The following MMP2 variants were observed in gnomAD, a reference collection of about 807,000 sequenced individuals.
MMP2 encodes matrix metallopeptidase 2.
MMP2 carries 39 observed loss-of-function variants against 74.8 expected under a neutral mutation model. The ratio of observed to expected loss-of-function variants is 0.52; its 90% CI spans 0.40 to 0.68. MMP2 has a LOEUF of 0.68. Ranked by LOEUF, MMP2 falls within the 30% of genes least tolerant of loss-of-function variation. The pLI is 0.00. For synonymous variants in MMP2, 367 were observed against 339.8 expected (o/e 1.08, Z -0.88); for missense variants, 803 against 878.3 (o/e 0.91, Z 1.08).
chr16:55,501,666 C>T (rs1011761747), intron 11 of MMP2, among the ~76,000 whole-genome samples: 1 of 143,196 alleles, frequency 7.0e-6, no homozygotes, highest in Non-Finnish European at 1.5e-5. Context: ...AGGGAGAAGT[C>T]CCTTTGAGGG....
chr16:55,485,541 G>C, intron 4 of MMP2, 63 bp from the exon 5 acceptor site: 1 of 1,612,000 alleles, frequency 6.2e-7, no homozygotes, highest in Non-Finnish European at 8.5e-7. Context: ...GGGTGAGTCA[G>C]AATCTTGGTC....
In MMP2 at chr16:55,496,951, C is replaced by T. The variant is rs371281054; in HGVS notation, c.1498C>T (p.Arg500Cys). 1.4e-5 allele frequency: 23 copies of T among 1,614,010 alleles called. No individual in the cohort carries two copies. The highest frequency in any genetic ancestry group is 5.3e-5 in the African/African-American group (4 of 74,942). The part of the protein sequence containing the change: ...DRFIWRTVTP[R>C]DKPMGPLLVA... ...GTTCATTTGGCGGACTGTGACGCCA[C>T]GTGACAAGCCCATGGGGCCCCTGCT... Residue 500 changes from arginine (R) to cysteine (C), a missense_variant, in exon 10 of 13, where the codon CGT becomes TGT. Physicochemically the swap from Arg to Cys is radical, Grantham distance 180 (BLOSUM62 -3). Around this residue, in one of 3 missense-constraint regions of MMP2, gnomAD observed 555 missense variants for 592.0 expected, o/e 0.94. Transcript: ENST00000219070.
intron 12 of MMP2, among the ~76,000 whole-genome samples, chr16:55,504,353 G>T (rs1411864565): frequency 6.6e-6 from 1 of 152,156 alleles, no homozygotes; most frequent in Non-Finnish European, 1.5e-5. Flanking sequence ...TGACAGGACT[G>T]GATATATCCT....
chr16:55,502,905 T>C lies in MMP2; in HGVS notation c.1879+17T>C. ...AGGGCGGCGGTGAGCCACCCAGGAC[T>C]GTCTCCGCTTTCTAGGACTCCCCGC... is the stretch of plus-strand genomic sequence containing the variant. On this transcript the variant is annotated intron_variant, in intron 12 of 12. Transcript: ENST00000219070. 6.2e-7 allele frequency: 1 copy of C among 1,600,634 alleles called. No individual in the cohort carries two copies. The highest frequency in any genetic ancestry group is 1.1e-5 in the South Asian group (1 of 90,838).
intron 11 of MMP2, among the ~76,000 whole-genome samples, chr16:55,501,879 A>G (rs755285978): frequency 3.3e-5 from 5 of 152,206 alleles, no homozygotes; most frequent in Non-Finnish European, 7.3e-5. Context: ...TAGGATATCC[A>G]TAGCTCCCAT....
chr16:55,481,153 G>A (rs923858235), intron 1 of MMP2, among the ~76,000 whole-genome samples: 12 of 152,182 alleles, frequency 7.9e-5, no homozygotes, highest in African/African-American at 2.9e-4. Flanking sequence ...ACAGAGCAGG[G>A]AATGGGCTGC....
intron 6 of MMP2, among the ~76,000 whole-genome samples, 184 bp from the exon 7 acceptor site, chr16:55,489,467 G>A (rs17859914): frequency 3.3e-4 from 51 of 152,300 alleles, no homozygotes; most frequent in African/African-American, 1.1e-3. Context: ...CATGAAACGC[G>A]GTGCTATTCA....
At chr16:55,500,494 T>TACACACAC (rs55996787) in intron 11 of MMP2, among the ~76,000 whole-genome samples, 9,143 of 136,160 alleles carry the variant, frequency 0.067, 473 homozygotes, top group Non-Finnish European at 0.081. Flanking sequence ...CATGTGCGCA[T>TACACACAC]ACACACACAC....
intron 10 of MMP2, among the ~76,000 whole-genome samples, chr16:55,497,529 G>A (rs895294148): frequency 6.6e-6 from 1 of 152,168 alleles, no homozygotes; most frequent in African/African-American, 2.4e-5. Context: ...GACAGAAACG[G>A]ATTATTCAGT....
chr16:55,491,363 G>A (rs186956188), intron 7 of MMP2, among the ~76,000 whole-genome samples: 1 of 152,230 alleles, frequency 6.6e-6, no homozygotes, highest in East Asian at 1.9e-4. Flanking sequence ...AGAAATGGTG[G>A]CAACATGGGG....
chr16:55,503,041 G>T (rs1962710454), intron 12 of MMP2, among the ~76,000 whole-genome samples, 153 bp downstream of exon 12: 1 of 152,304 alleles, frequency 6.6e-6, no homozygotes, highest in African/African-American at 2.4e-5. Context: ...GTGCTGGGAA[G>T]GTTTCCAGAT....
Position 55,498,338 on chromosome 16 carries a change from C to T in MMP2, c.1659C>T (p.Pro553=), listed in dbSNP as rs747523622. ...CCAGCACCCTGGAGCGAGGGTACCC[C>T]AAGCCACTGACCAGCCTGGGACTGC... ...YSASTLERGY[P]KPLTSLGLPP... The change falls in exon 11 of 13, where the codon CCC becomes CCT. Residue 553 remains proline, a synonymous_variant. Coordinates refer to ENST00000219070, the MANE Select transcript of MMP2 (RefSeq NM_004530.6). 21 of 1,614,050 alleles carry T rather than the reference C, an allele frequency of 1.3e-5. No individual in the cohort carries two copies. The highest frequency in any genetic ancestry group is 4.0e-5 in the African/African-American group (3 of 74,948).
In MMP2 at chr16:55,483,113, G is replaced by C; in HGVS notation, c.358G>C (p.Asp120His). The C allele has an allele frequency of 6.2e-7, 1 of 1,614,058 alleles. No individual in the cohort carries two copies. The highest frequency in any genetic ancestry group is 2.2e-5 in the East Asian group (1 of 44,880). Residue 120 changes from aspartate to histidine, a missense_variant, in exon 2 of 13, where the codon GAC (aspartate) becomes CAC (histidine). Coordinates refer to ENST00000219070, the MANE Select transcript of MMP2 (RefSeq NM_004530.6). ...CTTCTTCCCTCGCAAGCCCAAGTGG[G>C]ACAAGAACCAGATCACATACAGGTG... is the stretch of plus-strand genomic sequence containing the variant. Reference protein sequence around the residue: ...YNFFPRKPKWDKNQITYRIIG... With the variant: ...YNFFPRKPKWHKNQITYRIIG...
chr16:55,480,830 G>A (rs1411238133), intron 1 of MMP2, among the ~76,000 whole-genome samples: 1 of 152,284 alleles, frequency 6.6e-6, no homozygotes, highest in East Asian at 1.9e-4. Flanking sequence ...AGCCCCCTCT[G>A]GATAGATGGG....
In MMP2 at chr16:55,496,959, G is replaced by A. The variant is rs781282587; in HGVS notation, c.1506G>A (p.Lys502=). The change falls in exon 10 of 13, where the codon AAG becomes AAA. Residue 502 remains lysine (K), a synonymous_variant. Coordinates refer to ENST00000219070, the MANE Select transcript of MMP2 (RefSeq NM_004530.6). ...FIWRTVTPRD[K]PMGPLLVATF... ...GGCGGACTGTGACGCCACGTGACAA[G>A]CCCATGGGGCCCCTGCTGGTGGCCA... 34 of 1,614,134 alleles carry A rather than the reference G, an allele frequency of 2.1e-5. No homozygotes were observed. The East Asian group carries it at 2.2e-4, about 11-fold the overall frequency.
chr16:55,495,531 G>T (rs537958331), intron 9 of MMP2, among the ~76,000 whole-genome samples: 75 of 152,324 alleles, frequency 4.9e-4, no homozygotes, highest in African/African-American at 1.7e-3. Flanking sequence ...GTCAGATCTG[G>T]ATATGAATCT....
intron 11 of MMP2, among the ~76,000 whole-genome samples, chr16:55,499,232 G>T (rs1373773615): frequency 6.6e-6 from 1 of 152,066 alleles, no homozygotes; most frequent in East Asian, 1.9e-4. Flanking sequence ...GCCAGGTAGG[G>T]ACAGGTTGGG....
chr16:55,483,680 T>C (rs1962165516), intron 2 of MMP2, among the ~76,000 whole-genome samples: 1 of 152,132 alleles, frequency 6.6e-6, no homozygotes, highest in African/African-American at 2.4e-5. Flanking sequence ...GCACTACTTA[T>C]GGCCCTCCCC....
chr16:55,499,168 CAAAAAA>C (rs57058103), intron 11 of MMP2, among the ~76,000 whole-genome samples: 1 of 132,038 alleles, frequency 7.6e-6, no homozygotes, highest in African/African-American at 2.8e-5. Context: ...GACTCCAACT[CAAAAAA>C]AAAAAAAAGA....
Sources: gnomAD v4.1 joint callset for allele counts (sites outside exome capture counted in the v4.1 genomes callset) on GRCh38, gnomAD v4.1.1 for gene constraint, gnomAD v4.1.1 regional missense constraint, MANE v1.5 for transcripts, NCBI Gene and HGNC (gene_info 2026-07-23, HGNC 2026-07-21) for gene names.